KLHDC1: variants seen among roughly 807,000 people sequenced by gnomAD.
The protein encoded by KLHDC1 is kelch domain containing 1, also known as kelch domain-containing protein 1.
In KLHDC1, 53 loss-of-function variants were observed where a neutral mutation model predicts 68.3. That is an observed-to-expected ratio of 0.78 (90% CI 0.62 to 0.98). The LOEUF (loss-of-function observed/expected upper bound fraction) is 0.98. KLHDC1 is among the 50% of genes least tolerant of loss of function. KLHDC1 has a pLI of 0.00. For missense variants in KLHDC1, 470 were observed against 492.3 expected (o/e 0.95, Z 0.43); for synonymous variants, 148 against 159.0 (o/e 0.93, Z 0.52).
At chr14:49,693,444 C>G (rs181763463) in intron 1 of KLHDC1, among the ~76,000 whole-genome samples, 154 bp downstream of exon 1, 9 of 151,864 alleles carry the variant, frequency 5.9e-5, no homozygotes, top group African/African-American at 1.9e-4. Context: ...CCGCCGCCCC[C>G]ACAGCCGCGC....
rs567996050 is a variant in KLHDC1 at position 49,710,414 on chromosome 14, C to T, written c.404+33C>T. 43 of 1,081,150 alleles carry T rather than the reference C, an allele frequency of 4.0e-5. No individual in the cohort carries two copies. The South Asian group carries it at 4.9e-4, about 12-fold the overall frequency. 67.0% of individuals were successfully genotyped at this position (1,081,150 alleles called of 1,614,324 possible). ...AGCAGTTGCACTTAATGCATTATGT[C>T]TACCTAAGCAAAGATAATAGCTTTG... On this transcript the variant is annotated intron_variant, in intron 4 of 12. Transcript: ENST00000359332.
chr14:49,722,028 C>G (rs1888538521), intron 4 of KLHDC1, among the ~76,000 whole-genome samples: 1 of 152,210 alleles, frequency 6.6e-6, no homozygotes, highest in Non-Finnish European at 1.5e-5. Flanking sequence ...CAGCTCTCCT[C>G]TGCCTCCAGC....
chr14:49,729,569 C>A (rs768768455), intron 8 of KLHDC1, 21 bp downstream of exon 8: 1 of 1,525,968 alleles, frequency 6.6e-7, no homozygotes, highest in Non-Finnish European at 9.1e-7. Context: ...AGTCTAAGTA[C>A]GTTTTAATCT....
At chr14:49,725,799 ATTTG>A in intron 6 of KLHDC1, 30 bp downstream of exon 6, 1 of 1,141,392 alleles carries the variant, frequency 8.8e-7, no homozygotes, top group Non-Finnish European at 1.3e-6. Flanking sequence ...ATCTTTATAT[ATTTG>A]TATTTAAAAA....
At chr14:49,704,727 C>G (rs1888003668) in intron 1 of KLHDC1, among the ~76,000 whole-genome samples, 1 of 151,918 alleles carries the variant, frequency 6.6e-6, no homozygotes, top group African/African-American at 2.4e-5. Flanking sequence ...TTCCTAGAAA[C>G]AGGAAGAAAA....
intron 12 of KLHDC1, among the ~76,000 whole-genome samples, chr14:49,748,721 GTA>G (rs906034643): frequency 1.3e-5 from 2 of 151,490 alleles, no homozygotes; most frequent in African/African-American, 2.4e-5. Context: ...ATCGTAGGGG[GTA>G]TATATATACA....
chr14:49,747,266 A>G (rs1338060677), intron 12 of KLHDC1, among the ~76,000 whole-genome samples: 2 of 152,108 alleles, frequency 1.3e-5, no homozygotes, highest in African/African-American at 4.8e-5. Flanking sequence ...TTTCATATCC[A>G]GCCTAGTTCA....
rs569483084 is a variant in KLHDC1, at chr14:49,701,343, A to T, written c.97-7816A>T. Among the ~76,000 whole-genome samples, 10 of 152,206 alleles carry T rather than the reference A, an allele frequency of 6.6e-5. No individual in the cohort carries two copies. In the East Asian group the frequency reaches 1.9e-3, roughly 29 times the overall value. ...TTGAGGAAAAAACTATAATGGAAAA[A>T]ATTGGCAGATCAGACTTCTAAAAAA... On this transcript the variant is annotated intron_variant, in intron 1 of 12. Transcript: ENST00000359332.
chr14:49,740,274 T>A, intron 11 of KLHDC1, 92 bp downstream of exon 11: 1 of 696,042 alleles, frequency 1.4e-6, no homozygotes, highest in Non-Finnish European at 2.5e-6. Flanking sequence ...ATTCTAACAT[T>A]GCAAAATATG....
chr14:49,712,624 C>A (rs1418188329), intron 4 of KLHDC1, among the ~76,000 whole-genome samples: 3 of 151,976 alleles, frequency 2.0e-5, no homozygotes, highest in African/African-American at 7.2e-5. Flanking sequence ...GCCTCAGCCT[C>A]CCGAGTAGCT....
At chr14:49,733,662 C>G (rs1888868774) in intron 9 of KLHDC1, among the ~76,000 whole-genome samples, 1 of 152,070 alleles carries the variant, frequency 6.6e-6, no homozygotes, top group Non-Finnish European at 1.5e-5. Context: ...ACCTCGTGAT[C>G]CACCCGCCTC....
At chr14:49,722,428 C>G (rs950648296) in intron 4 of KLHDC1, among the ~76,000 whole-genome samples, 1 of 152,122 alleles carries the variant, frequency 6.6e-6, no homozygotes, top group Non-Finnish European at 1.5e-5. Context: ...ATCCATGTCC[C>G]TACAAAGGAC....
intron 4 of KLHDC1, among the ~76,000 whole-genome samples, chr14:49,714,200 G>C (rs1386547918): frequency 6.6e-6 from 1 of 151,760 alleles, no homozygotes; most frequent in Admixed American, 6.6e-5. Context: ...TGGGCTGGGC[G>C]TGGTGGCTCA....
In KLHDC1 at chr14:49,728,953, G is replaced by T; in HGVS notation, c.595G>T (p.Ala199Ser). 6.2e-7 allele frequency: 1 copy of T among 1,613,660 alleles called. No individual in the cohort carries two copies. Among genetic ancestry groups the T allele is most frequent in the Non-Finnish European group, 8.5e-7 (1 of 1,179,652 alleles). ...KGGVPPQPRA[A>S]HTCAVLGNKG... Reference sequence around the variant, plus strand: ...TGGAGTTCCACCACAGCCACGAGCCGCGCATACATGTGCAGTTCTTGGAAA... The same window carrying T: ...TGGAGTTCCACCACAGCCACGAGCCTCGCATACATGTGCAGTTCTTGGAAA... Residue 199 changes from alanine to serine, a missense_variant, in exon 7 of 13, where the codon GCG becomes TCG. Physicochemically the swap from Ala to Ser is moderately conservative, Grantham distance 99. Coordinates refer to ENST00000359332, the MANE Select transcript of KLHDC1 (RefSeq NM_172193.3).
chr14:49,725,704 G>A lies in KLHDC1; in HGVS notation c.502G>A (p.Gly168Arg). 3 of 1,416,220 alleles carry A rather than the reference G, an allele frequency of 2.1e-6. No individual in the cohort carries two copies. The highest frequency in any genetic ancestry group is 2.8e-6 in the Non-Finnish European group (3 of 1,076,370). The allele number at this position is 1,416,220 out of a possible 1,614,324, so 87.7% of individuals were successfully genotyped here. Residue 168 changes from glycine to arginine, a missense_variant, in exon 6 of 13, where the codon GGA (glycine) becomes AGA (arginine). Gly to Arg is a moderately radical substitution (Grantham distance 125). Coordinates refer to ENST00000359332, the MANE Select transcript of KLHDC1 (RefSeq NM_172193.3). ...CTTTTAGGAAGAGCAGATATTCTGG[G>A]GATGGCATAATGATGTCCACATATT... is the stretch of plus-strand genomic sequence containing the variant. ...DASWEEQIFW[G>R]WHNDVHIFDT...
At chr14:49,719,451 C>T (rs1251057897) in intron 4 of KLHDC1, among the ~76,000 whole-genome samples, 6 of 150,970 alleles carry the variant, frequency 4.0e-5, no homozygotes, top group Non-Finnish European at 7.4e-5. Context: ...TTTTTTGAGA[C>T]AGAGTCTCGC....
intron 4 of KLHDC1, among the ~76,000 whole-genome samples, chr14:49,723,310 A>T (rs1164550799): frequency 4.6e-5 from 7 of 151,924 alleles, no homozygotes; most frequent in Admixed American, 4.6e-4. Flanking sequence ...GGATAGGAGG[A>T]TAACTTGACC....
chr14:49,710,418 C>G (rs1443099925), intron 4 of KLHDC1, 37 bp downstream of exon 4: 1 of 1,052,112 alleles, frequency 9.5e-7, no homozygotes, highest in African/African-American at 1.6e-5. Context: ...TTATGTCTAC[C>G]TAAGCAAAGA....
intron 4 of KLHDC1, 41 bp downstream of exon 4, chr14:49,710,422 G>C (rs977783119): frequency 3.9e-6 from 4 of 1,021,766 alleles, no homozygotes; most frequent in Non-Finnish European, 6.1e-6. Context: ...GTCTACCTAA[G>C]CAAAGATAAT....
Sources: allele counts gnomAD v4.1 joint callset (sites outside exome capture counted in the v4.1 genomes callset), GRCh38; gene constraint gnomAD v4.1.1; transcripts MANE v1.5; gene names NCBI Gene and HGNC (gene_info 2026-07-23, HGNC 2026-07-21).